SORCS2: variants seen among roughly 807,000 people sequenced by gnomAD.
SORCS2 encodes VPS10 domain-containing receptor SorCS2.
A neutral mutation model predicts 141.6 loss-of-function variants in SORCS2; 100 were observed. The observed-to-expected ratio is 0.71, with a 90% CI of 0.60 to 0.83. The LOEUF is 0.83. Ranked by LOEUF, SORCS2 falls within the 40% of genes least tolerant of loss-of-function variation. SORCS2 has a pLI of 0.00. For missense variants in SORCS2, 1,646 were observed against 1,560.2 expected (o/e 1.05, Z -0.93); for synonymous variants, 789 against 676.9 (o/e 1.17, Z -2.57).
chr4:7,688,246 C>G (rs979701463), intron 10 of SORCS2, among the ~76,000 whole-genome samples: 1 of 152,010 alleles, frequency 6.6e-6, no homozygotes, highest in Non-Finnish European at 1.5e-5. Context: ...CTGGAATGAC[C>G]CCTGCAGAGC....
intron 8 of SORCS2, among the ~76,000 whole-genome samples, 182 bp from the exon 9 acceptor site, chr4:7,675,868 G>T (rs974011518): frequency 6.6e-6 from 1 of 152,182 alleles, no homozygotes; most frequent in Non-Finnish European, 1.5e-5. Flanking sequence ...CCAAGGAGGT[G>T]AGGAGACTTG....
At position 7,391,238 on chromosome 4, in the gene SORCS2, C is replaced by T. The variant is rs114320808; in HGVS notation, c.481-5050C>T. 9.6e-3 allele frequency among the ~76,000 whole-genome samples: 1,466 copies of T among 152,358 alleles called. 21 individuals carry two copies. Among genetic ancestry groups the T allele is most frequent in the African/African-American group, 0.034 (1,404 of 41,582 alleles). On this transcript the variant is annotated intron_variant, in intron 1 of 26. Transcript: ENST00000507866. ...TTCATGCTGTTCACAGGTGAAGACG[C>T]TGACGACTTTGCTGCTGGCCCATCA...
chr4:7,286,905 C>T lies in SORCS2; in HGVS notation c.480+93779C>T, dbSNP rs762502296. Among the ~76,000 whole-genome samples the T allele has an allele frequency of 2.0e-5, 3 of 152,122 alleles. No homozygotes were observed. Among genetic ancestry groups the T allele is most frequent in the Non-Finnish European group, 4.4e-5 (3 of 68,020 alleles). ...GAGCTTCAGTAGCTGAAAGTGGGTC[C>T]GAGTGAGGAGACACAAGTCAGCAGA... is the stretch of plus-strand genomic sequence containing the variant. On this transcript the variant is annotated intron_variant, in intron 1 of 26. Coordinates refer to ENST00000507866, the MANE Select transcript of SORCS2 (RefSeq NM_020777.3). This position sits in a 1 kb window ranked among gnomAD's most constrained non-coding sequence, Gnocchi z 4.1.
chr4:7,407,247 C>T (rs575192230), intron 2 of SORCS2, among the ~76,000 whole-genome samples: 1 of 152,052 alleles, frequency 6.6e-6, no homozygotes, highest in Non-Finnish European at 1.5e-5. Context: ...TCTGGGTGAT[C>T]TGTCCATAGC....
intron 1 of SORCS2, among the ~76,000 whole-genome samples, chr4:7,350,496 C>A (rs1461907110): frequency 6.6e-6 from 1 of 152,234 alleles, no homozygotes; most frequent in African/African-American, 2.4e-5. Flanking sequence ...ATGGGACACT[C>A]CCAAAGGGCA....
rs192955244 is a variant in SORCS2 at position 7,491,549 on chromosome 4, C to T, written c.549-39981C>T. ...GCTGACTGAATCCATGCAGAGGGAA[C>T]ACCTTGGCTAGGACCTCTCTGGATT... is the stretch of plus-strand genomic sequence containing the variant. On this transcript the variant is annotated intron_variant, in intron 2 of 26. Transcript: ENST00000507866. Among the ~76,000 whole-genome samples, 19 of 152,370 alleles carry T rather than the reference C, an allele frequency of 1.2e-4. No homozygotes were observed. The East Asian group carries it at 3.7e-3, about 29-fold the overall frequency.
chr4:7,508,946 G>A (rs114324288), intron 2 of SORCS2, among the ~76,000 whole-genome samples: 3,496 of 152,298 alleles, frequency 0.023, 135 homozygotes, highest in African/African-American at 0.08. Context: ...CTTTCCCTGG[G>A]GACAAGGGTG....
chr4:7,707,254 C>T (rs1050549380), intron 14 of SORCS2, among the ~76,000 whole-genome samples: 2 of 152,170 alleles, frequency 1.3e-5, no homozygotes, highest in African/African-American at 4.8e-5. Context: ...CACACTCAGC[C>T]CTGGCTTTAG....
In SORCS2 at chr4:7,271,504, G is replaced by A. The variant is rs1176673087; in HGVS notation, c.480+78378G>A. Among the ~76,000 whole-genome samples, 3 of 152,272 alleles carry A rather than the reference G, an allele frequency of 2.0e-5. No individual in the cohort carries two copies. In the East Asian group the frequency reaches 5.8e-4, roughly 29 times the overall value. ...CCTATATTTTAATCCCACCTTCACA[G>A]GAAGGCCTCCCCAGCTACTCATCTA... On this transcript the variant is annotated intron_variant, in intron 1 of 26. Transcript: ENST00000507866.
At chr4:7,544,534 A>G (rs1053398808) in intron 3 of SORCS2, among the ~76,000 whole-genome samples, 2 of 152,350 alleles carry the variant, frequency 1.3e-5, no homozygotes, top group East Asian at 1.9e-4. Context: ...AAGAAGAGCT[A>G]TATGTGCCCC....
chr4:7,695,939 G>GAT (rs751242718), intron 11 of SORCS2, among the ~76,000 whole-genome samples: 6,397 of 120,420 alleles, frequency 0.053, 887 homozygotes, highest in African/African-American at 0.12. Flanking sequence ...TGGGTGGGTG[G>GAT]GTGGATGGAT....
At chr4:7,425,890 T>C (rs372040533) in intron 2 of SORCS2, among the ~76,000 whole-genome samples, 18 of 152,310 alleles carry the variant, frequency 1.2e-4, no homozygotes, top group African/African-American at 4.1e-4. Flanking sequence ...TTCCGGGCCC[T>C]GGCGCTCTCT....
intron 24 of SORCS2, among the ~76,000 whole-genome samples, chr4:7,733,971 C>T (rs1406022648): frequency 6.6e-6 from 1 of 152,128 alleles, no homozygotes; most frequent in Non-Finnish European, 1.5e-5. Context: ...CATGGAACAG[C>T]CTCCACACCA....
At chr4:7,709,150 C>G (rs1357786198) in intron 14 of SORCS2, among the ~76,000 whole-genome samples, 2 of 152,218 alleles carry the variant, frequency 1.3e-5, no homozygotes, top group Non-Finnish European at 1.5e-5. Context: ...GTGGGCCTTT[C>G]ATGTGGTCAA....
At chr4:7,715,097 C>A in intron 16 of SORCS2, 86 bp from the exon 17 acceptor site, 1 of 1,567,414 alleles carries the variant, frequency 6.4e-7, no homozygotes, top group Non-Finnish European at 8.7e-7. Flanking sequence ...GTTCCCTTCT[C>A]AGCTCCCCCA....
intron 11 of SORCS2, among the ~76,000 whole-genome samples, chr4:7,692,557 C>T (rs1724322364): frequency 6.6e-6 from 1 of 152,184 alleles, no homozygotes; most frequent in Admixed American, 6.5e-5. Context: ...CACTCCTGCC[C>T]CCATGCCAGG....
intron 3 of SORCS2, among the ~76,000 whole-genome samples, chr4:7,562,251 G>A (rs530275978): frequency 3.5e-4 from 53 of 152,264 alleles, no homozygotes; most frequent in African/African-American, 1.0e-3. Flanking sequence ...CCCAGGCTGT[G>A]GGGAGATGGG....
At chr4:7,497,841 A>C (rs1338196242) in intron 2 of SORCS2, among the ~76,000 whole-genome samples, 1 of 152,270 alleles carries the variant, frequency 6.6e-6, no homozygotes, top group Non-Finnish European at 1.5e-5. Context: ...ATGGCCTAAA[A>C]TGCCGAAGGC....
intron 9 of SORCS2, among the ~76,000 whole-genome samples, chr4:7,681,349 T>A (rs1723514957): frequency 1.3e-5 from 2 of 152,030 alleles, no homozygotes; most frequent in Non-Finnish European, 1.5e-5. Context: ...ATCCTTAACA[T>A]TGGAAGAGGT....
Sources: allele counts gnomAD v4.1 joint callset (sites outside exome capture counted in the v4.1 genomes callset), GRCh38; gene constraint gnomAD v4.1.1; non-coding constraint Gnocchi (gnomAD v3.1); transcripts MANE v1.5; gene names NCBI Gene and HGNC (gene_info 2026-07-23, HGNC 2026-07-21).